The following PCDH11Y variants were observed in gnomAD, a reference collection of about 807,000 sequenced individuals.
The protein encoded by PCDH11Y is protocadherin-11 Y-linked.
For synonymous variants in PCDH11Y, 9 were observed against 83.6 expected (o/e 0.11, Z 4.87); for missense variants, 12 against 224.8 (o/e 0.05, Z 6.05).
intron 2 of PCDH11Y, among the ~76,000 whole-genome samples, chrY:5,115,135 T>A (rs2052807765): frequency 7.2e-5 from 1 of 13,834 alleles, no homozygotes; most frequent in Non-Finnish European, 1.9e-4. Flanking sequence ...AGAACCGCAT[T>A]TTTTTTTTTT....
chrY:5,325,369 T>C (rs2053117894), intron 2 of PCDH11Y, among the ~76,000 whole-genome samples: 1 of 32,571 alleles, frequency 3.1e-5, no homozygotes, highest in African/African-American at 1.2e-4. Flanking sequence ...TTAGGGGCTG[T>C]GTGGGAGCCT....
At chrY:5,323,322 C>T (rs2053115303) in intron 2 of PCDH11Y, among the ~76,000 whole-genome samples, 1 of 29,471 alleles carries the variant, frequency 3.4e-5, no homozygotes, top group Non-Finnish European at 8.0e-5. Context: ...CTCAGCCTCC[C>T]GAGTAGCTGG....
At chrY:5,056,587 TTAAC>T (rs2124627868) in exon 1 of PCDH11Y, 1 of 173,126 alleles carries the variant, frequency 5.8e-6, no homozygotes, top group East Asian at 1.9e-4. Flanking sequence ...TGTATTCTCT[TTAAC>T]TATCTTGGTA....
chrY:5,345,704 C>T, intron 2 of PCDH11Y, among the ~76,000 whole-genome samples: 3 of 29,252 alleles, frequency 1.0e-4, no homozygotes, highest in Admixed American at 6.4e-4. Context: ...TGCTCTGTCA[C>T]CCAGGCTGGA....
At chrY:5,385,243 TCTCCCAAGCA>T (rs2053212169) in intron 2 of PCDH11Y, among the ~76,000 whole-genome samples, 3 of 26,553 alleles carry the variant, frequency 1.1e-4, no homozygotes, top group Non-Finnish European at 2.6e-4. Flanking sequence ...TGTGCACGAA[TCTCCCAAGCA>T]GCATACATTG....
intron 4 of PCDH11Y, among the ~76,000 whole-genome samples, chrY:5,699,726 C>G: frequency 3.0e-5 from 1 of 32,990 alleles, no homozygotes; most frequent in Non-Finnish European, 7.5e-5. Context: ...GGATCTCAGT[C>G]ATTTAGGCAC....
chrY:5,287,356 G>C (rs2124661443), intron 2 of PCDH11Y, among the ~76,000 whole-genome samples: 2 of 33,418 alleles, frequency 6.0e-5, no homozygotes, highest in African/African-American at 2.3e-4. Flanking sequence ...GTGGAAGACA[G>C]TGTGGCAATT....
chrY:5,470,588 C>T, intron 2 of PCDH11Y, among the ~76,000 whole-genome samples: 1 of 31,549 alleles, frequency 3.2e-5, no homozygotes, highest in Non-Finnish European at 7.8e-5. Context: ...TGCCTGGAGG[C>T]GTGGCTATTT....
chrY:5,489,557 A>C, intron 2 of PCDH11Y, among the ~76,000 whole-genome samples: 1 of 31,944 alleles, frequency 3.1e-5, no homozygotes, highest in Non-Finnish European at 7.6e-5. Flanking sequence ...AGATAATCCT[A>C]TGACTTTTGA....
chrY:5,514,847 T>C, intron 3 of PCDH11Y, among the ~76,000 whole-genome samples: 1 of 33,609 alleles, frequency 3.0e-5, no homozygotes, highest in Non-Finnish European at 7.4e-5. Context: ...TTATTGCTAG[T>C]AACCACAAGG....
intron 4 of PCDH11Y, among the ~76,000 whole-genome samples, chrY:5,621,377 C>T (rs2124702308): frequency 9.4e-5 from 3 of 32,080 alleles, no homozygotes; most frequent in Non-Finnish European, 2.3e-4. Context: ...TACAAACCAC[C>T]GCTCAAGGAA....
intron 3 of PCDH11Y, among the ~76,000 whole-genome samples, chrY:5,525,706 T>G: frequency 3.1e-5 from 1 of 31,927 alleles, no homozygotes; most frequent in Non-Finnish European, 7.6e-5. Flanking sequence ...TATATATATA[T>G]ATAGATAAAG....
chrY:5,371,226 C>T, intron 2 of PCDH11Y, among the ~76,000 whole-genome samples: 10 of 32,111 alleles, frequency 3.1e-4, no homozygotes, highest in Non-Finnish European at 6.8e-4. Context: ...CATACAACTG[C>T]TTGCTTTTGG....
At chrY:5,250,502 T>C in intron 2 of PCDH11Y, among the ~76,000 whole-genome samples, 3 of 31,631 alleles carry the variant, frequency 9.5e-5, no homozygotes, top group Non-Finnish European at 1.5e-4. Context: ...TTTAGCAAAC[T>C]AATACAGGAA....
intron 2 of PCDH11Y, among the ~76,000 whole-genome samples, chrY:5,111,019 T>C: frequency 3.0e-5 from 1 of 33,249 alleles, no homozygotes; most frequent in East Asian, 7.9e-4. Context: ...CTCTTGTTAT[T>C]CAAAACTATG....
chrY:5,655,985 C>T, intron 4 of PCDH11Y, among the ~76,000 whole-genome samples: 1 of 25,641 alleles, frequency 3.9e-5, no homozygotes, highest in Non-Finnish European at 8.5e-5. Flanking sequence ...TGGGATCAAG[C>T]GATCTCCCTG....
At chrY:5,346,007 C>G in intron 2 of PCDH11Y, among the ~76,000 whole-genome samples, 2 of 32,888 alleles carry the variant, frequency 6.1e-5, no homozygotes, top group African/African-American at 2.4e-4. Context: ...CCAGTTACTC[C>G]CATTGAGTAA....
downstream of PCDH11Y, among the ~76,000 whole-genome samples, chrY:5,107,911 T>G (rs1231238872): frequency 3.2e-5 from 1 of 31,310 alleles, no homozygotes; most frequent in Non-Finnish European, 7.7e-5. Context: ...TACAAAAAAT[T>G]AGCCGGGCGT....
intron 2 of PCDH11Y, among the ~76,000 whole-genome samples, chrY:5,169,450 G>T: frequency 3.2e-5 from 1 of 31,724 alleles, no homozygotes; most frequent in Non-Finnish European, 7.8e-5. Context: ...ACTACTTTTG[G>T]CATGAAACAA....
Sources: allele counts gnomAD v4.1 joint callset (sites outside exome capture counted in the v4.1 genomes callset), GRCh38; gene constraint gnomAD v4.1.1; transcripts MANE v1.5; gene names NCBI Gene and HGNC (gene_info 2026-07-23, HGNC 2026-07-21).